The following TRPM7 variants were observed in gnomAD, a reference collection of about 807,000 sequenced individuals.
TRPM7 encodes transient receptor potential cation channel subfamily M member 7, also known as LTRPC ion channel family member 7.
In TRPM7, 134 loss-of-function variants were observed where a neutral mutation model predicts 229.7. The ratio of observed to expected loss-of-function variants is 0.58; its 90% CI spans 0.51 to 0.67. The LOEUF is 0.67. Among genes scored for constraint, TRPM7 ranks in the 30% least tolerant of loss-of-function variants. TRPM7 has a pLI of 0.00. For missense variants in TRPM7, 1,901 were observed against 2,210.0 expected, an observed-to-expected ratio of 0.86 and a Z score of 2.80; for synonymous variants, 699 against 715.2, an observed-to-expected ratio of 0.98 and a Z score of 0.36.
intron 1 of TRPM7, 77 bp downstream of exon 1, chr15:50,686,454 A>T (rs1463987583): frequency 6.2e-7 from 1 of 1,612,318 alleles, no homozygotes; most frequent in African/African-American, 1.3e-5. Flanking sequence ...CTCCCCACAC[A>T]CTTGCCTGCC....
intron 20 of TRPM7, among the ~76,000 whole-genome samples, chr15:50,605,354 GATTC>G: frequency 6.6e-6 from 1 of 152,276 alleles, no homozygotes; most frequent in African/African-American, 2.4e-5. Flanking sequence ...AGGTTCCAGA[GATTC>G]ATCCAACTAA....
chr15:50,574,587 G>A (rs773008654), intron 35 of TRPM7, 50 bp downstream of exon 35: 1 of 1,560,320 alleles, frequency 6.4e-7, no homozygotes, highest in Non-Finnish European at 8.8e-7. Flanking sequence ...AGGTCAAAAG[G>A]GACTGCTATC....
intron 1 of TRPM7, among the ~76,000 whole-genome samples, chr15:50,671,274 T>G (rs977503234): frequency 2.6e-5 from 4 of 152,098 alleles, no homozygotes; most frequent in African/African-American, 9.7e-5. Context: ...TCAGTTCAAT[T>G]TTTTAGATTC....
At chr15:50,652,392 G>A (rs9806676) in intron 3 of TRPM7, among the ~76,000 whole-genome samples, 9,329 of 144,182 alleles carry the variant, frequency 0.065, 437 homozygotes, top group African/African-American at 0.13. Flanking sequence ...AATCGTGGGG[G>A]AAAGCAAGAA....
chr15:50,659,616 C>T (rs2061676537), intron 2 of TRPM7, among the ~76,000 whole-genome samples: 1 of 151,988 alleles, frequency 6.6e-6, no homozygotes, highest in Non-Finnish European at 1.5e-5. Flanking sequence ...ATTTCTATTG[C>T]AAAGTGGAAT....
At chr15:50,675,510 G>C (rs1043372755) in intron 1 of TRPM7, among the ~76,000 whole-genome samples, 1 of 152,018 alleles carries the variant, frequency 6.6e-6, no homozygotes, top group Non-Finnish European at 1.5e-5. Context: ...TGTTACACAG[G>C]AATCGGCTTC....
chr15:50,639,468 G>A lies in TRPM7; in HGVS notation c.616C>T (p.Pro206Ser), dbSNP rs1189224929. 10 of 1,610,920 alleles carry A rather than the reference G, an allele frequency of 6.2e-6. No homozygotes were observed. Among genetic ancestry groups the A allele is most frequent in the Middle Eastern group, 1.6e-4 (1 of 6,072 alleles). Residue 206 changes from proline (P) to serine (S), a missense_variant, in exon 6 of 39, where the codon CCA becomes TCA. This residue lies in a region of TRPM7 where 794 missense variants were observed against 881.9 expected (regional missense o/e 0.90). Transcript: ENST00000646667. ...SRKICTIGIA[P>S]WGVIENRNDL... Reference sequence around the variant, plus strand: ...TTTCTGTTTTCAATCACTCCCCATGGAGCTATTCCGATAGTGCAAATCTTT... The same window carrying A: ...TTTCTGTTTTCAATCACTCCCCATGAAGCTATTCCGATAGTGCAAATCTTT...
rs1236840376 is a variant in TRPM7, at chr15:50,610,004, C to A, written c.2281-43G>T. The A allele has an allele frequency of 3.8e-6, 5 of 1,315,500 alleles. No homozygotes were observed. The African/African-American group carries it at 4.5e-5, about 12-fold the overall frequency. The allele number at this position is 1,315,500 out of a possible 1,614,324, so 81.5% of individuals were successfully genotyped here. The stretch of plus-strand genomic sequence containing the variant: ...TAATTTTGCATTTAAAAATTAATGA[C>A]CTTCAAGAATATAATAAAAACAAAA... On this transcript the variant is annotated intron_variant, in intron 17 of 38. Transcript: ENST00000646667.
At chr15:50,668,832 A>C (rs941658931) in intron 1 of TRPM7, among the ~76,000 whole-genome samples, 1 of 152,136 alleles carries the variant, frequency 6.6e-6, no homozygotes, top group Non-Finnish European at 1.5e-5. Flanking sequence ...GTATAAGTGC[A>C]GTAAGAATCG....
At chr15:50,570,724 G>T (rs529283582) in intron 36 of TRPM7, among the ~76,000 whole-genome samples, 10 of 150,948 alleles carry the variant, frequency 6.6e-5, no homozygotes, top group African/African-American at 2.4e-4. Context: ...ATGGTGGGGG[G>T]CGCCTGTAGT....
At chr15:50,610,005 C>A in intron 17 of TRPM7, 44 bp from the exon 18 acceptor site, 1 of 1,311,664 alleles carries the variant, frequency 7.6e-7, no homozygotes, top group Non-Finnish European at 1.1e-6. Context: ...AATTAATGAC[C>A]TTCAAGAATA....
intron 21 of TRPM7, among the ~76,000 whole-genome samples, chr15:50,601,684 T>C (rs1383941387): frequency 1.3e-5 from 2 of 152,190 alleles, no homozygotes; most frequent in East Asian, 3.9e-4. Context: ...AAAATGAGGA[T>C]TCTTATAATG....
intron 1 of TRPM7, among the ~76,000 whole-genome samples, chr15:50,669,704 G>A (rs1354447577): frequency 6.6e-6 from 1 of 151,870 alleles, no homozygotes; most frequent in Non-Finnish European, 1.5e-5. Flanking sequence ...CTCATCAGTT[G>A]TTTGAGTTTT....
At chr15:50,604,758 A>G (rs958304125) in intron 21 of TRPM7, 108 bp downstream of exon 21, 4 of 1,162,834 alleles carry the variant, frequency 3.4e-6, no homozygotes, top group Non-Finnish European at 4.8e-6. Context: ...AAACAAACAC[A>G]AAATAAAAGA....
At chr15:50,638,125 C>T (rs1264803536) in intron 6 of TRPM7, among the ~76,000 whole-genome samples, 6 of 151,428 alleles carry the variant, frequency 4.0e-5, no homozygotes, top group African/African-American at 1.2e-4. Context: ...TTTGGGAGGC[C>T]GAGGCGGGCG....
At chr15:50,617,127 CAAAAAAATAAAT>C (rs1298488126) in intron 13 of TRPM7, among the ~76,000 whole-genome samples, 29 of 135,384 alleles carry the variant, frequency 2.1e-4, no homozygotes, top group African/African-American at 7.2e-4. Flanking sequence ...CCATCTCTAC[CAAAAAAATAAAT>C]AAATAAATAA....
At chr15:50,564,346 G>A (rs905577034) in intron 38 of TRPM7, among the ~76,000 whole-genome samples, 7 of 150,986 alleles carry the variant, frequency 4.6e-5, no homozygotes, top group African/African-American at 1.7e-4. Flanking sequence ...TAGCTGAACA[G>A]AAACAGGAGC....
intron 1 of TRPM7, among the ~76,000 whole-genome samples, chr15:50,665,190 G>C: frequency 6.6e-6 from 1 of 152,030 alleles, no homozygotes; most frequent in Non-Finnish European, 1.5e-5. Context: ...CCTGAGGCCA[G>C]GAGTTCGAGA....
At chr15:50,572,896 T>C (rs2053958380) in intron 36 of TRPM7, among the ~76,000 whole-genome samples, 1 of 152,212 alleles carries the variant, frequency 6.6e-6, no homozygotes, top group African/African-American at 2.4e-5. Flanking sequence ...ATCTGGTCTG[T>C]GTTTACATTT....
Sources: gnomAD v4.1 joint callset for allele counts (sites outside exome capture counted in the v4.1 genomes callset) on GRCh38, gnomAD v4.1.1 for gene constraint, gnomAD v4.1.1 regional missense constraint, MANE v1.5 for transcripts, NCBI Gene and HGNC (gene_info 2026-07-23, HGNC 2026-07-21) for gene names.